Variants in NBEAL1 observed in about 807,000 individuals in gnomAD.
NBEAL1 encodes the protein neurobeachin like 1, also known as neurobeachin-like protein 1.
NBEAL1 carries 273 observed loss-of-function variants against 351.3 expected under a neutral mutation model. That is an observed-to-expected ratio of 0.78 (90% CI 0.70 to 0.86). The LOEUF (loss-of-function observed/expected upper bound fraction) is 0.86, where lower values mean the gene tolerates loss of function less well. NBEAL1 is among the 40% of genes least tolerant of loss of function. The pLI, the probability that NBEAL1 is intolerant of heterozygous loss-of-function variation, is 0.00. For synonymous variants in NBEAL1, 1,050 were observed against 1,086.4 expected, an observed-to-expected ratio of 0.97 and a Z score of 0.66; for missense variants, 2,961 against 3,201.3, an observed-to-expected ratio of 0.92 and a Z score of 1.81.
intron 10 of NBEAL1, among the ~76,000 whole-genome samples, chr2:203,090,854 A>C (rs1192476794): frequency 6.6e-6 from 1 of 151,998 alleles, no homozygotes; most frequent in Non-Finnish European, 1.5e-5. Context: ...ACACCACTGC[A>C]CTCCAGCCTG....
chr2:203,111,593 A>G (rs951304872), intron 15 of NBEAL1, among the ~76,000 whole-genome samples: 1 of 152,102 alleles, frequency 6.6e-6, no homozygotes, highest in Admixed American at 6.6e-5. Flanking sequence ...GCTGGTCTCG[A>G]ACTCCTGATC....
At chr2:203,210,098 C>T (rs1365724855) in intron 53 of NBEAL1, among the ~76,000 whole-genome samples, 1 of 152,096 alleles carries the variant, frequency 6.6e-6, no homozygotes, top group East Asian at 1.9e-4. Flanking sequence ...AGTGGTGGCT[C>T]ACTCCTGTAA....
intron 31 of NBEAL1, among the ~76,000 whole-genome samples, chr2:203,139,455 G>A (rs1006206757): frequency 3.3e-5 from 5 of 151,342 alleles, no homozygotes; most frequent in African/African-American, 4.9e-5. Flanking sequence ...TTTGGTGCAG[G>A]GAGGTTGGAG....
chr2:203,025,096 A>G (rs1431091985), intron 2 of NBEAL1, among the ~76,000 whole-genome samples: 1 of 152,174 alleles, frequency 6.6e-6, no homozygotes, highest in Non-Finnish European at 1.5e-5. Flanking sequence ...TGTGTACCAC[A>G]CTTTGTGTGG....
intron 14 of NBEAL1, among the ~76,000 whole-genome samples, chr2:203,109,390 G>A (rs2062510777): frequency 6.6e-6 from 1 of 152,006 alleles, no homozygotes; most frequent in Non-Finnish European, 1.5e-5. Flanking sequence ...GTAGTGATAT[G>A]AGTAATGATT....
Position 203,138,271 on chromosome 2 carries a change from C to G in NBEAL1, c.4675C>G (p.Leu1559Val). Residue 1559 changes from leucine (L) to valine (V), a missense_variant, in exon 30 of 56, where the codon CTT becomes GTT. Coordinates refer to ENST00000683969, the MANE Select transcript of NBEAL1 (RefSeq NM_001378026.1). ...ACTAGTGCTGATCATACAGGACTTT[C>G]TTCAGTCAGAGGGACTAGTTAATTC... is the stretch of plus-strand genomic sequence containing the variant. ...FRLVLIIQDF[L>V]QSEGLVNSNM... 2.5e-6 allele frequency: 4 copies of G among 1,613,950 alleles called. No individual in the cohort carries two copies. The highest frequency in any genetic ancestry group is 3.4e-6 in the Non-Finnish European group (4 of 1,179,910).
chr2:203,016,996 A>G (rs989403432), intron 2 of NBEAL1, among the ~76,000 whole-genome samples: 28 of 152,212 alleles, frequency 1.8e-4, no homozygotes, highest in African/African-American at 6.5e-4. Flanking sequence ...TTACAGGAGT[A>G]CTGAGTAGCC....
At chr2:203,118,116 T>A (rs1332629703) in intron 18 of NBEAL1, among the ~76,000 whole-genome samples, 1 of 152,234 alleles carries the variant, frequency 6.6e-6, no homozygotes, top group Non-Finnish European at 1.5e-5. Flanking sequence ...TAAAGTGATA[T>A]CCTATATACT....
At chr2:203,192,307 T>G (rs1559053162) in intron 46 of NBEAL1, among the ~76,000 whole-genome samples, 1 of 152,188 alleles carries the variant, frequency 6.6e-6, no homozygotes. Context: ...TGGTGCTAAT[T>G]AGTTTTTATT....
chr2:203,028,739 T>A lies in NBEAL1; in HGVS notation c.51+12304T>A, dbSNP rs2060901418. Among the ~76,000 whole-genome samples, 6 of 152,198 alleles carry A rather than the reference T, an allele frequency of 3.9e-5. 1 individual carries two copies. The South Asian group carries it at 1.2e-3, about 32-fold the overall frequency. ...AACTTTAGTCCCGTTTGACTCATTT[T>A]TATTGGGTGCCTGCTGTATGCACAT... On this transcript the variant is annotated intron_variant, in intron 2 of 55. Coordinates refer to ENST00000683969, the MANE Select transcript of NBEAL1 (RefSeq NM_001378026.1).
chr2:203,220,913 C>A lies in NBEAL1; in HGVS notation c.*3559C>A, dbSNP rs962047299. On this transcript the variant is annotated 3_prime_UTR_variant, in exon 56 of 56. Transcript: ENST00000683969. ...TGTTTAGGTCACAGTGCAGTGCATC[C>A]TTTTGTAGAAGAAAAAATACCAAGT... is the stretch of plus-strand genomic sequence containing the variant. 1.3e-5 allele frequency among the ~76,000 whole-genome samples: 2 copies of A among 152,100 alleles called. No homozygotes were observed. The highest frequency in any genetic ancestry group is 2.4e-5 in the African/African-American group (1 of 41,434).
chr2:203,188,537 G>A lies in NBEAL1; in HGVS notation c.6771G>A (p.Arg2257=), dbSNP rs780986456. 1.1e-5 allele frequency: 17 copies of A among 1,609,868 alleles called. No individual in the cohort carries two copies. The highest frequency in any genetic ancestry group is 1.4e-5 in the Non-Finnish European group (16 of 1,178,196). Reference sequence around the variant, plus strand: ...ATCTGATCTTTGGCTATAAACAGAGGGGACCAGCTGCAGTAGAGGCACTCA... The same window carrying A: ...ATCTGATCTTTGGCTATAAACAGAGAGGACCAGCTGCAGTAGAGGCACTCA... ...WIDLIFGYKQ[R]GPAAVEALNV... The change falls in exon 45 of 56, where the codon AGG becomes AGA. Residue 2257 remains arginine (R), a synonymous_variant. Coordinates refer to ENST00000683969, the MANE Select transcript of NBEAL1 (RefSeq NM_001378026.1).
At chr2:203,024,051 C>T (rs2060812490) in intron 2 of NBEAL1, among the ~76,000 whole-genome samples, 1 of 150,156 alleles carries the variant, frequency 6.7e-6, no homozygotes, top group African/African-American at 2.4e-5. Context: ...GGGATATTGG[C>T]TGGGTGCAGT....
intron 49 of NBEAL1, among the ~76,000 whole-genome samples, chr2:203,200,550 C>A (rs2065368349): frequency 6.6e-6 from 1 of 151,552 alleles, no homozygotes; most frequent in South Asian, 2.1e-4. Context: ...AAAAATTAGC[C>A]AGGCATGGTA....
At chr2:203,048,932 G>A (rs1559330802) in intron 3 of NBEAL1, among the ~76,000 whole-genome samples, 1 of 139,184 alleles carries the variant, frequency 7.2e-6, no homozygotes, top group African/African-American at 2.7e-5. Flanking sequence ...CCTTTTACTG[G>A]TTATCTTTTC....
At chr2:203,120,077 G>A (rs1178979071) in intron 18 of NBEAL1, among the ~76,000 whole-genome samples, 1 of 152,024 alleles carries the variant, frequency 6.6e-6, no homozygotes, top group Non-Finnish European at 1.5e-5. Context: ...ACAATCTAAA[G>A]CAAAATAAAT....
intron 10 of NBEAL1, among the ~76,000 whole-genome samples, chr2:203,086,512 A>G (rs1268540429): frequency 6.6e-6 from 1 of 152,202 alleles, no homozygotes; most frequent in South Asian, 2.1e-4. Flanking sequence ...CTAAAATGGA[A>G]CAGTTCATCC....
At chr2:203,034,167 T>TA (rs1205043750) in intron 2 of NBEAL1, among the ~76,000 whole-genome samples, 1 of 151,586 alleles carries the variant, frequency 6.6e-6, no homozygotes, top group Non-Finnish European at 1.5e-5. Context: ...TACTTTTTTT[T>TA]TTTTTTTTTG....
chr2:203,136,002 G>C lies in NBEAL1; in HGVS notation c.4139G>C (p.Gly1380Ala), dbSNP rs776169217. Reference protein sequence around the residue: ...TPLFPEDSSVGELSFKSENQE... With the variant: ...TPLFPEDSSVAELSFKSENQE... ...TTATTTCCAGAAGATAGCTCTGTGG[G>C]AGAATTGTCTTTCAAATCAGAGAAT... Residue 1380 changes from glycine to alanine, a missense_variant, in exon 28 of 56, where the codon GGA becomes GCA. Gly to Ala is a moderately conservative substitution (Grantham distance 60). Transcript: ENST00000683969. 4.3e-6 allele frequency: 7 copies of C among 1,613,552 alleles called. No individual in the cohort carries two copies. The highest frequency in any genetic ancestry group is 5.1e-6 in the Non-Finnish European group (6 of 1,179,764).
Sources: allele counts gnomAD v4.1 joint callset (sites outside exome capture counted in the v4.1 genomes callset), GRCh38; gene constraint gnomAD v4.1.1; transcripts MANE v1.5; gene names NCBI Gene and HGNC (gene_info 2026-07-23, HGNC 2026-07-21).